UNC5D: variants seen among roughly 807,000 people sequenced by gnomAD.
The protein encoded by UNC5D is netrin receptor UNC5D.
Under a neutral mutation model 105.4 loss-of-function variants are expected in UNC5D, and 39 were observed. That is an observed-to-expected ratio of 0.37 (90% CI 0.29 to 0.48). UNC5D has a LOEUF of 0.48. Ranked by LOEUF, UNC5D falls within the 20% of genes least tolerant of loss-of-function variation. The pLI, the probability that UNC5D is intolerant of heterozygous loss-of-function variation, is 0.98. For missense variants in UNC5D, 991 were observed against 1,202.4 expected (o/e 0.82, Z 2.60); for synonymous variants, 452 against 450.4 (o/e 1.00, Z -0.04).
At chr8:35,786,132 A>G (rs1311666854) in intron 16 of UNC5D, among the ~76,000 whole-genome samples, 1 of 152,158 alleles carries the variant, frequency 6.6e-6, no homozygotes, top group Non-Finnish European at 1.5e-5. Context: ...GGCATTTAAA[A>G]TGCCATTTAA....
chr8:35,405,648 T>TA (rs1424095860), intron 1 of UNC5D, among the ~76,000 whole-genome samples: 2 of 152,206 alleles, frequency 1.3e-5, no homozygotes, highest in African/African-American at 4.8e-5. Context: ...ACGGTTCCCC[T>TA]AACGTTAAAC....
intron 1 of UNC5D, among the ~76,000 whole-genome samples, chr8:35,334,909 C>A (rs999385635): frequency 6.6e-6 from 1 of 152,148 alleles, no homozygotes; most frequent in Non-Finnish European, 1.5e-5. Flanking sequence ...TGAACATACG[C>A]CTCACCCCAG....
chr8:35,720,125 C>T (rs1304909907), intron 8 of UNC5D, among the ~76,000 whole-genome samples: 1 of 152,116 alleles, frequency 6.6e-6, no homozygotes, highest in African/African-American at 2.4e-5. Flanking sequence ...AAATGGCAAT[C>T]CAGGGGAACA....
chr8:35,758,486 A>C (rs896673253), intron 13 of UNC5D, among the ~76,000 whole-genome samples: 1 of 152,186 alleles, frequency 6.6e-6, no homozygotes, highest in Non-Finnish European at 1.5e-5. Flanking sequence ...TCTTATATTC[A>C]GTAACACCAA....
chr8:35,736,087 C>T (rs1303796553), intron 11 of UNC5D, among the ~76,000 whole-genome samples: 1 of 152,166 alleles, frequency 6.6e-6, no homozygotes, highest in African/African-American at 2.4e-5. Context: ...TATGCTTTTC[C>T]TGGCACCTTT....
Position 35,375,096 on chromosome 8 carries a change from TAGTG to T in UNC5D, c.103+139212_103+139215del, listed in dbSNP as rs1304905759. On this transcript the variant is annotated intron_variant, in intron 1 of 16. Coordinates refer to ENST00000404895, the MANE Select transcript of UNC5D (RefSeq NM_080872.4). ...AAAGCCTGTGATGAACAGTTGAAAT[TAGTG>T]AGGTTGTTTTACAGGGAAAAATATT... is the stretch of plus-strand genomic sequence containing the variant. Among the ~76,000 whole-genome samples, 8 of 152,312 alleles carry T rather than the reference TAGTG, an allele frequency of 5.3e-5. No individual in the cohort carries two copies. The East Asian group carries it at 1.4e-3, about 26-fold the overall frequency.
chr8:35,568,604 G>T (rs982913477), intron 3 of UNC5D, among the ~76,000 whole-genome samples: 1 of 152,208 alleles, frequency 6.6e-6, no homozygotes, highest in South Asian at 2.1e-4. Context: ...CAAGAGAATC[G>T]CTTGAACCCA....
intron 3 of UNC5D, among the ~76,000 whole-genome samples, chr8:35,593,919 G>A (rs899632319): frequency 2.6e-5 from 4 of 152,212 alleles, no homozygotes; most frequent in African/African-American, 9.6e-5. Context: ...AAGATCCCTT[G>A]TGAGACAGCA....
chr8:35,270,463 CT>C (rs1432837428), intron 1 of UNC5D, among the ~76,000 whole-genome samples: 1 of 152,142 alleles, frequency 6.6e-6, no homozygotes, highest in Admixed American at 6.5e-5. Flanking sequence ...TTTTCTGACT[CT>C]GATTATATTG....
intron 7 of UNC5D, among the ~76,000 whole-genome samples, chr8:35,691,853 T>C (rs1343465179): frequency 6.6e-6 from 1 of 152,138 alleles, no homozygotes; most frequent in African/African-American, 2.4e-5. Context: ...AATTTGATCC[T>C]GAGGAATAAG....
intron 1 of UNC5D, among the ~76,000 whole-genome samples, chr8:35,524,640 C>CAAAAA (rs113548648): frequency 1.4e-5 from 1 of 71,092 alleles, no homozygotes; most frequent in Non-Finnish European, 2.9e-5. Context: ...ATGCCCTGTG[C>CAAAAA]AAAAAAAAAA....
intron 4 of UNC5D, among the ~76,000 whole-genome samples, chr8:35,623,368 C>T (rs561062632): frequency 9.2e-5 from 14 of 152,258 alleles, no homozygotes; most frequent in Admixed American, 2.0e-4. Flanking sequence ...TATGAACACC[C>T]GCGGCGTACA....
chr8:35,548,156 A>G (rs1237643000), intron 1 of UNC5D, among the ~76,000 whole-genome samples: 1 of 152,134 alleles, frequency 6.6e-6, no homozygotes, highest in East Asian at 1.9e-4. Flanking sequence ...ACATTTGACA[A>G]CACCCTCACA....
chr8:35,701,001 A>G (rs1175405376), intron 7 of UNC5D, among the ~76,000 whole-genome samples: 1 of 152,230 alleles, frequency 6.6e-6, no homozygotes, highest in Non-Finnish European at 1.5e-5. Context: ...CAGTTAACAC[A>G]TATCTTTTTG....
At chr8:35,716,466 C>T (rs1009519689) in intron 8 of UNC5D, among the ~76,000 whole-genome samples, 18 of 152,162 alleles carry the variant, frequency 1.2e-4, no homozygotes, top group African/African-American at 3.6e-4. Flanking sequence ...TGGAGCCAGA[C>T]TGCATGGGAT....
At chr8:35,714,339 G>A (rs1563696552) in intron 8 of UNC5D, among the ~76,000 whole-genome samples, 1 of 152,216 alleles carries the variant, frequency 6.6e-6, no homozygotes, top group African/African-American at 2.4e-5. Flanking sequence ...TGTGAGATGT[G>A]AGCACAAGAT....
At chr8:35,315,541 A>G (rs1809233747) in intron 1 of UNC5D, among the ~76,000 whole-genome samples, 1 of 152,180 alleles carries the variant, frequency 6.6e-6, no homozygotes, top group Non-Finnish European at 1.5e-5. Context: ...AAGAGGACAC[A>G]TCTCAGTTCT....
At chr8:35,384,090 C>T (rs1424553095) in intron 1 of UNC5D, among the ~76,000 whole-genome samples, 7 of 151,776 alleles carry the variant, frequency 4.6e-5, no homozygotes, top group Non-Finnish European at 8.8e-5. Flanking sequence ...GTGGCGGGCA[C>T]CTGTAGTCCC....
intron 1 of UNC5D, among the ~76,000 whole-genome samples, chr8:35,476,754 C>T (rs1810131475): frequency 6.6e-6 from 1 of 152,206 alleles, no homozygotes. Context: ...CCATCTATGG[C>T]AGTTCAATCC....
Sources: allele counts gnomAD v4.1 joint callset (sites outside exome capture counted in the v4.1 genomes callset), GRCh38; gene constraint gnomAD v4.1.1; transcripts MANE v1.5; gene names NCBI Gene and HGNC (gene_info 2026-07-23, HGNC 2026-07-21).